DGKB: variants seen among roughly 807,000 people sequenced by gnomAD.
DGKB encodes 90 kDa diacylglycerol kinase.
In DGKB, 67 loss-of-function variants were observed where a neutral mutation model predicts 114.3. That is an observed-to-expected ratio of 0.59 (90% CI 0.48 to 0.72). The LOEUF is 0.72. DGKB is among the 30% of genes least tolerant of loss of function. The probability of loss-of-function intolerance (pLI) is 0.00; values close to 1 mark genes in which losing one functional copy is unlikely to be tolerated. For missense variants in DGKB, 907 were observed against 975.2 expected (o/e 0.93, Z 0.93); for synonymous variants, 398 against 323.1 (o/e 1.23, Z -2.49).
chr7:14,211,413 CAT>C (rs1330168395), intron 23 of DGKB, among the ~76,000 whole-genome samples: 18 of 77,544 alleles, frequency 2.3e-4, no homozygotes, highest in African/African-American at 1.3e-3. Flanking sequence ...TATTTACTCT[CAT>C]GTTTTGTGAT....
At chr7:14,791,504 C>T (rs2215432) in intron 2 of DGKB, among the ~76,000 whole-genome samples, 3 of 151,702 alleles carry the variant, frequency 2.0e-5, no homozygotes, top group African/African-American at 7.3e-5. Flanking sequence ...CCAATGTTTG[C>T]AGAAAAGCCT....
At chr7:14,526,327 G>T (rs1790640799) in intron 20 of DGKB, among the ~76,000 whole-genome samples, 1 of 152,034 alleles carries the variant, frequency 6.6e-6, no homozygotes, top group African/African-American at 2.4e-5. Flanking sequence ...TAAGATACCA[G>T]TAGCACTCCC....
chr7:14,956,741 T>A (rs1176210558), intron 1 of DGKB, among the ~76,000 whole-genome samples: 6 of 151,926 alleles, frequency 3.9e-5, no homozygotes, highest in African/African-American at 1.2e-4. Context: ...AAGAAGATAA[T>A]ATAACCATGA....
chr7:14,407,512 C>T (rs954944253), intron 21 of DGKB, among the ~76,000 whole-genome samples: 2 of 151,946 alleles, frequency 1.3e-5, no homozygotes, highest in African/African-American at 4.8e-5. Context: ...AAGAAGCTAC[C>T]TGGGTATGCT....
At position 14,925,514 on chromosome 7, in the gene DGKB, T is replaced by G. The variant is rs143899943; in HGVS notation, c.-188+49182A>C. ...TGGAGTATTGATAGATTTTATTATG[T>G]TGAGTTGTCTAATTCATGAATATGG... On this transcript the variant is annotated intron_variant, in intron 1 of 4. Coordinates refer to the DGKB transcript ENST00000437998. 1.6e-4 allele frequency among the ~76,000 whole-genome samples: 25 copies of G among 152,264 alleles called. No individual in the cohort carries two copies. In the East Asian group the frequency reaches 4.6e-3, roughly 28 times the overall value.
chr7:14,605,243 G>A (rs1349371248), intron 17 of DGKB, among the ~76,000 whole-genome samples: 3 of 151,656 alleles, frequency 2.0e-5, no homozygotes, highest in South Asian at 2.1e-4. Context: ...CTACTGAAAC[G>A]GAACAATGTG....
chr7:14,497,094 C>T (rs1343545311), intron 20 of DGKB, among the ~76,000 whole-genome samples: 3 of 151,652 alleles, frequency 2.0e-5, no homozygotes. Context: ...AAATCAAAAA[C>T]CAAATACGCA....
intron 20 of DGKB, among the ~76,000 whole-genome samples, chr7:14,565,903 G>A (rs1341715311): frequency 6.6e-6 from 1 of 152,036 alleles, no homozygotes; most frequent in Non-Finnish European, 1.5e-5. Context: ...TAAGTGAGCA[G>A]CCAGATTAAT....
intron 1 of DGKB, among the ~76,000 whole-genome samples, chr7:14,908,789 C>G (rs1459724977): frequency 6.6e-6 from 1 of 152,068 alleles, no homozygotes; most frequent in Non-Finnish European, 1.5e-5. Context: ...TAGCCTCATG[C>G]AGTATGCATC....
chr7:14,936,965 G>C lies in DGKB; in HGVS notation c.-188+37731C>G, dbSNP rs141172900. Among the ~76,000 whole-genome samples the C allele has an allele frequency of 4.5e-3, 662 of 148,274 alleles. 4 individuals are homozygous for C. The highest frequency in any genetic ancestry group is 7.4e-3 in the Admixed American group (110 of 14,830). On this transcript the variant is annotated intron_variant, in intron 1 of 4. Transcript: ENST00000437998. ...GGTGTAAATGATTAAATATCTCCTT[G>C]TAATGACTTTCTGCTTCAGGGTTAT...
upstream of DGKB, among the ~76,000 whole-genome samples, chr7:14,905,744 T>C (rs547601340): frequency 6.6e-6 from 1 of 152,262 alleles, no homozygotes; most frequent in African/African-American, 2.4e-5. Flanking sequence ...AAGCAAGCCA[T>C]GTTTGCTTAG....
intron 2 of DGKB, among the ~76,000 whole-genome samples, chr7:14,807,435 A>G (rs1280413530): frequency 6.6e-6 from 1 of 152,026 alleles, no homozygotes; most frequent in Non-Finnish European, 1.5e-5. Flanking sequence ...AATTTTTTGT[A>G]TAATTCTCAG....
chr7:14,574,087 G>C, intron 20 of DGKB, 125 bp downstream of exon 20: 1 of 681,400 alleles, frequency 1.5e-6, no homozygotes. Context: ...TATTAGAAGA[G>C]ATGTTTTGAT....
intron 21 of DGKB, among the ~76,000 whole-genome samples, chr7:14,453,371 C>T (rs1294008424): frequency 3.3e-5 from 5 of 152,064 alleles, no homozygotes; most frequent in Non-Finnish European, 7.4e-5. Context: ...TAAGCAAAAT[C>T]GACACAGATA....
intron 20 of DGKB, among the ~76,000 whole-genome samples, chr7:14,513,605 C>T (rs1163595074): frequency 1.3e-5 from 2 of 151,856 alleles, no homozygotes; most frequent in Non-Finnish European, 2.9e-5. Context: ...ACATCTATTG[C>T]ATTTTGGGCA....
At chr7:14,576,352 ATTG>A (rs909737015) in intron 19 of DGKB, among the ~76,000 whole-genome samples, 6 of 151,824 alleles carry the variant, frequency 4.0e-5, no homozygotes, top group African/African-American at 1.5e-4. Context: ...TTAATTTCTA[ATTG>A]TTAATTTCTT....
At chr7:14,921,195 T>C (rs539728937) in intron 1 of DGKB, among the ~76,000 whole-genome samples, 1 of 152,176 alleles carries the variant, frequency 6.6e-6, no homozygotes, top group African/African-American at 2.4e-5. Context: ...GGTGAGTAGG[T>C]GAGATTTTTA....
intron 2 of DGKB, among the ~76,000 whole-genome samples, chr7:14,769,022 T>G (rs1299280113): frequency 1.3e-5 from 2 of 150,294 alleles, no homozygotes; most frequent in African/African-American, 4.9e-5. Flanking sequence ...CAGACATTCA[T>G]CTGGTAAAAA....
At chr7:14,192,238 G>A (rs556957442) in intron 23 of DGKB, 1 of 199,532 alleles carries the variant, frequency 5.0e-6, no homozygotes, top group East Asian at 1.5e-4. Context: ...CCAAAAACTA[G>A]TCAAACTGAA....
Sources: allele counts gnomAD v4.1 joint callset (sites outside exome capture counted in the v4.1 genomes callset), GRCh38; gene constraint gnomAD v4.1.1; transcripts MANE v1.5; gene names NCBI Gene and HGNC (gene_info 2026-07-23, HGNC 2026-07-21).